Variants in CHAT observed in about 807,000 individuals in gnomAD.
CHAT encodes choline O-acetyltransferase.
A neutral mutation model predicts 76.9 loss-of-function variants in CHAT; 61 were observed. The ratio of observed to expected loss-of-function variants is 0.79; its 90% CI spans 0.65 to 0.98. CHAT has a LOEUF of 0.98. Ranked by LOEUF, CHAT falls within the 50% of genes least tolerant of loss-of-function variation. CHAT has a pLI of 0.00. For missense variants in CHAT, 946 were observed against 986.9 expected, an observed-to-expected ratio of 0.96 and a Z score of 0.56; for synonymous variants, 407 against 397.4, an observed-to-expected ratio of 1.02 and a Z score of -0.29.
Position 49,655,459 on chromosome 10 carries a change from T to C in CHAT, c.1839+11T>C. The stretch of plus-strand genomic sequence containing the variant: ...GCATACACAGTCATGGTGAGTGACG[T>C]CGCACCACCTCACAACACTGCACTT... On this transcript the variant is annotated intron_variant, in intron 13 of 14. Coordinates refer to ENST00000337653, the MANE Select transcript of CHAT (RefSeq NM_020549.5). The C allele has an allele frequency of 6.2e-7, 1 of 1,611,472 alleles. No individual in the cohort carries two copies.
At chr10:49,659,097 TA>T (rs1271305345) in intron 13 of CHAT, among the ~76,000 whole-genome samples, 2 of 152,204 alleles carry the variant, frequency 1.3e-5, no homozygotes, top group Admixed American at 1.3e-4. Context: ...TATCAGAGGA[TA>T]AAAAAATCAA....
chr10:49,662,761 G>T lies in CHAT; in HGVS notation c.1956G>T (p.Arg652=), dbSNP rs765535877. The T allele has an allele frequency of 1.2e-6, 2 of 1,614,094 alleles. No homozygotes were observed. Among genetic ancestry groups the T allele is most frequent in the East Asian group, 4.5e-5 (2 of 44,898 alleles). ...FMDETYLMSN[R]FVLSTSQVPT... ...ATGAAACCTACCTGATGAGCAACCG[G>T]TTTGTCCTCTCCACTAGCCAGGTAC... Residue 652 remains arginine, a synonymous_variant, in exon 14 of 15, where the codon CGG becomes CGT. Coordinates refer to ENST00000337653, the MANE Select transcript of CHAT (RefSeq NM_020549.5).
At chr10:49,620,985 T>G (rs569455474) in intron 4 of CHAT, among the ~76,000 whole-genome samples, 1 of 152,322 alleles carries the variant, frequency 6.6e-6, no homozygotes, top group South Asian at 2.1e-4. Flanking sequence ...AGAGGGCCTC[T>G]GCTTCCTTCC....
chr10:49,612,268 G>A, upstream of CHAT: 1 of 1,610,948 alleles, frequency 6.2e-7, no homozygotes, highest in Non-Finnish European at 8.5e-7. Flanking sequence ...CCAGGACGGC[G>A]AGCCTCGCAG....
chr10:49,622,366 C>T (rs1407436609), intron 5 of CHAT, among the ~76,000 whole-genome samples: 1 of 152,240 alleles, frequency 6.6e-6, no homozygotes, highest in Non-Finnish European at 1.5e-5. Context: ...CAAGCACCAT[C>T]CTTCCTTGAT....
chr10:49,665,638 T>G lies in CHAT; in HGVS notation c.*592T>G, dbSNP rs1840326045. ...CCACAGAGCCCAAGTCCATTTAAAA[T>G]ATAGTGACTTGGGCCCACAAACACA... On this transcript the variant is annotated 3_prime_UTR_variant, in exon 15 of 15. Coordinates refer to ENST00000337653, the MANE Select transcript of CHAT (RefSeq NM_020549.5). Among the ~76,000 whole-genome samples, 1 of 152,122 alleles carries G rather than the reference T, an allele frequency of 6.6e-6. No homozygotes were observed. Among genetic ancestry groups the G allele is most frequent in the Admixed American group, 6.5e-5 (1 of 15,272 alleles).
At chr10:49,639,963 G>A (rs1035132946) in intron 7 of CHAT, among the ~76,000 whole-genome samples, 1 of 152,116 alleles carries the variant, frequency 6.6e-6, no homozygotes, top group Non-Finnish European at 1.5e-5. Flanking sequence ...AGGTTCTGCT[G>A]TTGAGTCCAT....
upstream of CHAT, chr10:49,610,701 C>T (rs1391042205): frequency 6.9e-7 from 1 of 1,457,124 alleles, no homozygotes; most frequent in East Asian, 2.5e-5. Flanking sequence ...AGCGCTCGGC[C>T]CTGGCGGAGG....
chr10:49,642,812 C>T (rs1400175842), intron 7 of CHAT, among the ~76,000 whole-genome samples: 1 of 152,260 alleles, frequency 6.6e-6, no homozygotes, highest in African/African-American at 2.4e-5. Flanking sequence ...AGGTGTACAG[C>T]ATTCAAGCTG....
chr10:49,620,853 T>A (rs1023635745), intron 4 of CHAT, among the ~76,000 whole-genome samples: 10 of 152,182 alleles, frequency 6.6e-5, no homozygotes, highest in African/African-American at 2.2e-4. Context: ...GAATGGACAC[T>A]CATGGAGGTC....
chr10:49,652,653 A>G (rs896714560), intron 11 of CHAT, among the ~76,000 whole-genome samples: 3 of 152,150 alleles, frequency 2.0e-5, no homozygotes, highest in African/African-American at 7.2e-5. Context: ...TGAACTTTGA[A>G]ATATGCAAAT....
At chr10:49,646,240 GA>G (rs1397865453) in intron 7 of CHAT, among the ~76,000 whole-genome samples, 1 of 152,228 alleles carries the variant, frequency 6.6e-6, no homozygotes, top group Non-Finnish European at 1.5e-5. Context: ...ATCTGGAGGA[GA>G]GCTGGTCACA....
Position 49,614,152 on chromosome 10 carries a change from C to T in CHAT, c.-38C>T, listed in dbSNP as rs946736958. On this transcript the variant is annotated 5_prime_UTR_variant, in exon 1 of 15. Coordinates refer to ENST00000337653, the MANE Select transcript of CHAT (RefSeq NM_020549.5). ...AGCGCTCCGGGTAGATTCTGGGGGCCGGGAGCTGAGATCCCTGGGCGGGGA... is the reference window on the plus strand; with the variant it reads ...AGCGCTCCGGGTAGATTCTGGGGGCTGGGAGCTGAGATCCCTGGGCGGGGA... The T allele has an allele frequency of 6.7e-6, 10 of 1,494,490 alleles. No individual in the cohort carries two copies. The African/African-American group carries it at 1.0e-4, about 15-fold the overall frequency. The allele number at this position is 1,494,490 out of a possible 1,614,324, so 92.6% of individuals were successfully genotyped here. A position where few individuals can be genotyped will look rare whatever the true frequency, so the allele number is the denominator to read the frequency against.
chr10:49,610,369 G>A (rs1458211066), upstream of CHAT: 1 of 219,280 alleles, frequency 4.6e-6, no homozygotes. Flanking sequence ...GCAAGCGGGC[G>A]GGCGGCAACA....
intron 10 of CHAT, among the ~76,000 whole-genome samples, chr10:49,651,467 G>T (rs977299205): frequency 6.6e-6 from 1 of 152,232 alleles, no homozygotes; most frequent in Non-Finnish European, 1.5e-5. Context: ...TGGAGGAGGA[G>T]ATTGTTCAAT....
At chr10:49,629,775 C>G (rs960459218) in intron 7 of CHAT, among the ~76,000 whole-genome samples, 2 of 152,260 alleles carry the variant, frequency 1.3e-5, no homozygotes, top group East Asian at 3.8e-4. Context: ...TTAGCGCCAA[C>G]TGTGTCATCT....
rs1305299526 is a variant in CHAT, at chr10:49,662,713, G to C, written c.1908G>C (p.Lys636Asn). 4 of 1,614,124 alleles carry C rather than the reference G, an allele frequency of 2.5e-6. No homozygotes were observed. The African/African-American group carries it at 5.3e-5, about 22-fold the overall frequency. ...ALRELARAMC[K>N]ELPEMFMDET... ...GGGAGCTGGCCCGGGCCATGTGCAAGGAGCTGCCCGAGATGTTCATGGATG... is the reference window on the plus strand; with the variant it reads ...GGGAGCTGGCCCGGGCCATGTGCAACGAGCTGCCCGAGATGTTCATGGATG... Residue 636 changes from lysine (K) to asparagine (N), a missense_variant, in exon 14 of 15, where the codon AAG becomes AAC. Transcript: ENST00000337653.
chr10:49,655,438 A>G lies in CHAT; in HGVS notation c.1829A>G (p.Tyr610Cys). ...LKDAIRAQTA[Y>C]TVMAITGMAI... ...GATGCCATCCGTGCCCAGACTGCATACACAGTCATGGTGAGTGACGTCGCA... is the reference window on the plus strand; with the variant it reads ...GATGCCATCCGTGCCCAGACTGCATGCACAGTCATGGTGAGTGACGTCGCA... Residue 610 changes from tyrosine to cysteine, a missense_variant, in exon 13 of 15, where the codon TAC becomes TGC. Physicochemically the swap from Tyr to Cys is radical, Grantham distance 194 (BLOSUM62 -2). Transcript: ENST00000337653. 6.2e-7 allele frequency: 1 copy of G among 1,614,028 alleles called. No individual in the cohort carries two copies. Among genetic ancestry groups the G allele is most frequent in the Non-Finnish European group, 8.5e-7 (1 of 1,179,936 alleles).
chr10:49,627,008 A>G (rs892866262), intron 6 of CHAT, among the ~76,000 whole-genome samples: 2 of 151,918 alleles, frequency 1.3e-5, no homozygotes, highest in Non-Finnish European at 2.9e-5. Flanking sequence ...TTTTTCCTCC[A>G]CTCACCAGTG....
Sources: allele counts gnomAD v4.1 joint callset (sites outside exome capture counted in the v4.1 genomes callset), GRCh38; gene constraint gnomAD v4.1.1; transcripts MANE v1.5; gene names NCBI Gene and HGNC (gene_info 2026-07-23, HGNC 2026-07-21).